NXN: variants seen among roughly 807,000 people sequenced by gnomAD.
NXN encodes nucleoredoxin.
A neutral mutation model predicts 48.6 loss-of-function variants in NXN; 16 were observed. The observed-to-expected ratio is 0.33, with a 90% confidence interval of 0.22 to 0.50. The LOEUF (loss-of-function observed/expected upper bound fraction) is 0.50, where lower values mean the gene tolerates loss of function less well. Ranked by LOEUF, NXN falls within the 20% of genes least tolerant of loss-of-function variation. The probability of loss-of-function intolerance (pLI) is 0.98; values close to 1 mark genes in which losing one functional copy is unlikely to be tolerated. For missense variants in NXN, 492 were observed against 605.5 expected (o/e 0.81, Z 1.97); for synonymous variants, 281 against 269.6 (o/e 1.04, Z -0.41).
intron 1 of NXN, chr17:959,085 G>C (rs1232720168): frequency 6.5e-6 from 2 of 309,862 alleles, no homozygotes; most frequent in African/African-American, 4.4e-5. Context: ...GGGCGGTGTG[G>C]CTGGAGGCGC....
chr17:884,432 CAGAG>C (rs1364450305), intron 1 of NXN, among the ~76,000 whole-genome samples: 3 of 151,152 alleles, frequency 2.0e-5, no homozygotes, highest in African/African-American at 7.3e-5. Context: ...GTAAAAAAAA[CAGAG>C]AGATTCGGGG....
chr17:844,758 T>C (rs1332000855), intron 1 of NXN, among the ~76,000 whole-genome samples: 1 of 152,018 alleles, frequency 6.6e-6, no homozygotes, highest in African/African-American at 2.4e-5. Flanking sequence ...CTAATTTTGG[T>C]ATTTTTAGTA....
chr17:812,671 T>TGTAGGTGTGTGC (rs1555609355), intron 5 of NXN, among the ~76,000 whole-genome samples: 23 of 149,330 alleles, frequency 1.5e-4, no homozygotes, highest in Admixed American at 1.0e-3. Context: ...TAGGTGTGTG[T>TGTAGGTGTGTGC]GAGTGTAGGT....
chr17:848,046 A>G (rs576666836), intron 1 of NXN, among the ~76,000 whole-genome samples: 2 of 152,082 alleles, frequency 1.3e-5, no homozygotes, highest in South Asian at 2.1e-4. Context: ...ATGAAACACT[A>G]CGAATTAAGC....
rs1037976411 is a variant in NXN, at chr17:841,622, A to G, written c.361-15544T>C. On this transcript the variant is annotated intron_variant, in intron 1 of 7. Coordinates refer to ENST00000336868, the MANE Select transcript of NXN (RefSeq NM_022463.5). ...TCCCCCCGACCACAGAGCATCTCAC[A>G]CGGGCAAGCAGGTCCACCCTGACCA... 1.4e-3 allele frequency among the ~76,000 whole-genome samples: 119 copies of G among 86,490 alleles called. 2 individuals carry two copies. Among genetic ancestry groups the G allele is most frequent in the East Asian group, 2.9e-3 (7 of 2,416 alleles). The allele number at this position is 86,490 out of a possible 152,430, so 56.7% of individuals were successfully genotyped here.
At chr17:815,327 C>T (rs1405128084) in intron 5 of NXN, among the ~76,000 whole-genome samples, 1 of 150,564 alleles carries the variant, frequency 6.6e-6, no homozygotes, top group East Asian at 2.0e-4. Context: ...ATGATGAGGG[C>T]GAGTGTCCAC....
In NXN at chr17:882,665, C is replaced by T. The variant is rs570012052; in HGVS notation, c.361-56587G>A. ...TATTTTTAGTAGAGACAGGGTTTCA[C>T]CGTGTTAGCCAGGATGGTCTCGATC... On this transcript the variant is annotated intron_variant, in intron 1 of 7. Transcript: ENST00000336868. Among the ~76,000 whole-genome samples the T allele has an allele frequency of 9.2e-5, 14 of 152,202 alleles. No homozygotes were observed. The East Asian group carries it at 2.3e-3, about 25-fold the overall frequency.
At chr17:897,137 T>A in intron 1 of NXN, 1 of 795,632 alleles carries the variant, frequency 1.3e-6, no homozygotes, top group Non-Finnish European at 1.6e-6. Context: ...GAAAGAAAAC[T>A]ACGTTCAGCT....
intron 1 of NXN, among the ~76,000 whole-genome samples, chr17:971,581 G>C (rs1457834146): frequency 6.6e-6 from 1 of 151,728 alleles, no homozygotes; most frequent in African/African-American, 2.4e-5. Flanking sequence ...GTGAGGGCGG[G>C]CACCTGTGGT....
chr17:859,454 G>T (rs1166376527), intron 1 of NXN, among the ~76,000 whole-genome samples: 1 of 152,044 alleles, frequency 6.6e-6, no homozygotes, highest in Non-Finnish European at 1.5e-5. Flanking sequence ...AACAACAAAT[G>T]TGAAAAGTTG....
chr17:834,626 C>G (rs1177902080), intron 1 of NXN, among the ~76,000 whole-genome samples: 4 of 151,930 alleles, frequency 2.6e-5, no homozygotes, highest in African/African-American at 9.7e-5. Context: ...ACCTTATGAT[C>G]CGCCCACCTT....
chr17:848,037 T>C (rs544287965), intron 1 of NXN, among the ~76,000 whole-genome samples: 4 of 152,100 alleles, frequency 2.6e-5, no homozygotes, highest in African/African-American at 9.7e-5. Flanking sequence ...GGATCGAAGA[T>C]GAAACACTAC....
At chr17:949,835 A>T (rs2069089741) in intron 1 of NXN, among the ~76,000 whole-genome samples, 2 of 151,154 alleles carry the variant, frequency 1.3e-5, no homozygotes, top group African/African-American at 4.9e-5. Context: ...CTCAGCCTGG[A>T]GCAGTGGGGG....
intron 1 of NXN, among the ~76,000 whole-genome samples, chr17:911,866 T>C (rs1437863651): frequency 1.3e-5 from 2 of 151,458 alleles, no homozygotes; most frequent in Non-Finnish European, 1.5e-5. Context: ...TCTTTCTCCC[T>C]CCCCAGATCC....
chr17:842,984 G>T (rs1914426359), intron 1 of NXN, among the ~76,000 whole-genome samples: 1 of 108,734 alleles, frequency 9.2e-6, no homozygotes, highest in African/African-American at 4.0e-5. Context: ...GAGAAAGAGA[G>T]AAAGAGAGAA....
intron 1 of NXN, among the ~76,000 whole-genome samples, chr17:883,404 T>C (rs892593145): frequency 1.1e-4 from 17 of 152,046 alleles, no homozygotes; most frequent in African/African-American, 3.6e-4. Context: ...GTTGTCAAAG[T>C]AGTCTTTGTT....
intron 1 of NXN, among the ~76,000 whole-genome samples, chr17:946,540 T>A (rs1442016166): frequency 1.3e-5 from 2 of 152,324 alleles, no homozygotes; most frequent in Middle Eastern, 6.8e-3. Context: ...GAGTCCGTAG[T>A]GGGTGTGCTC....
At position 837,017 on chromosome 17, in the gene NXN, C is replaced by T. The variant is rs112752192; in HGVS notation, c.361-10939G>A. Among the ~76,000 whole-genome samples the T allele has an allele frequency of 5.1e-3, 771 of 149,864 alleles. 4 individuals carry two copies. Among genetic ancestry groups the T allele is most frequent in the African/African-American group, 0.017 (697 of 40,560 alleles). ...TTCTAGACCCAGAGTCTTGCTCTGT[C>T]GCCCAGGCTGGAGAGCAGTGACACA... On this transcript the variant is annotated intron_variant, in intron 1 of 7. Transcript: ENST00000336868.
At chr17:837,734 C>T (rs879315165) in intron 1 of NXN, among the ~76,000 whole-genome samples, 5 of 152,190 alleles carry the variant, frequency 3.3e-5, no homozygotes, top group Non-Finnish European at 7.3e-5. Flanking sequence ...ATTCTGCCTT[C>T]GCCTGGAGCT....
Sources: allele counts gnomAD v4.1 joint callset (sites outside exome capture counted in the v4.1 genomes callset), GRCh38; gene constraint gnomAD v4.1.1; transcripts MANE v1.5; gene names NCBI Gene and HGNC (gene_info 2026-07-23, HGNC 2026-07-21).